Variants in NELL1 observed in about 807,000 individuals in gnomAD.
NELL1 encodes protein kinase C-binding protein NELL1.
Under a neutral mutation model 107.4 loss-of-function variants are expected in NELL1, and 76 were observed. The ratio of observed to expected loss-of-function variants is 0.71; its 90% CI spans 0.59 to 0.86. The LOEUF is 0.86. Among genes scored for constraint, NELL1 ranks in the 40% least tolerant of loss-of-function variants. NELL1 has a pLI of 0.00. For synonymous variants in NELL1, 353 were observed against 341.2 expected (o/e 1.03, Z -0.38); for missense variants, 1,024 against 1,005.5 (o/e 1.02, Z -0.25).
At chr11:20,916,581 T>C (rs770090351) in intron 5 of NELL1, among the ~76,000 whole-genome samples, 3 of 151,796 alleles carry the variant, frequency 2.0e-5, no homozygotes, top group Admixed American at 6.6e-5. Flanking sequence ...CAGGTATGGA[T>C]CCTATCCTTT....
At chr11:21,486,646 T>G (rs976817074) in intron 15 of NELL1, among the ~76,000 whole-genome samples, 1 of 152,074 alleles carries the variant, frequency 6.6e-6, no homozygotes, top group Non-Finnish European at 1.5e-5. Flanking sequence ...CATAAAATTT[T>G]GGATAAAGAA....
intron 2 of NELL1, among the ~76,000 whole-genome samples, chr11:20,781,215 A>C (rs1286794962): frequency 6.6e-6 from 1 of 152,034 alleles, no homozygotes; most frequent in Non-Finnish European, 1.5e-5. Context: ...GGATATGGAG[A>C]GTGGAGAAAA....
intron 12 of NELL1, among the ~76,000 whole-genome samples, chr11:20,976,073 TG>T (rs1851624936): frequency 6.8e-6 from 1 of 147,632 alleles, no homozygotes; most frequent in African/African-American, 2.5e-5. Flanking sequence ...TGTACATATA[TG>T]TATTATATAC....
chr11:21,556,214 A>T (rs1433747076), intron 16 of NELL1, among the ~76,000 whole-genome samples: 1 of 151,906 alleles, frequency 6.6e-6, no homozygotes, highest in African/African-American at 2.4e-5. Flanking sequence ...AATGATTTCC[A>T]GGTAGGAACA....
intron 15 of NELL1, among the ~76,000 whole-genome samples, chr11:21,515,966 A>G (rs1855551281): frequency 2.0e-5 from 3 of 152,106 alleles, no homozygotes; most frequent in Admixed American, 6.5e-5. Flanking sequence ...TTCACACTGC[A>G]TTTCTCCTGG....
chr11:20,905,693 T>C (rs1251645502), intron 5 of NELL1, among the ~76,000 whole-genome samples: 1 of 152,056 alleles, frequency 6.6e-6, no homozygotes, highest in African/African-American at 2.4e-5. Context: ...GAAGAATGAG[T>C]AATGGAACTT....
In NELL1 at chr11:21,183,724, A is replaced by G. The variant is rs181949691; in HGVS notation, c.1427-45608A>G. 9.0e-4 allele frequency among the ~76,000 whole-genome samples: 136 copies of G among 151,912 alleles called. 1 individual carries two copies. The highest frequency in any genetic ancestry group is 1.6e-4 in the Non-Finnish European group (11 of 68,012). On this transcript the variant is annotated intron_variant, in intron 13 of 19. Transcript: ENST00000357134. The stretch of plus-strand genomic sequence containing the variant: ...CCGTGTTACCTGTCAAAGGATAATG[A>G]ATATAACTAGTGGGAACCATGCCGA...
intron 5 of NELL1, among the ~76,000 whole-genome samples, chr11:20,908,032 T>G (rs1274391067): frequency 6.6e-6 from 1 of 152,102 alleles, no homozygotes; most frequent in East Asian, 1.9e-4. Context: ...GAATGGCGAT[T>G]ATTAAAAAGG....
intron 13 of NELL1, among the ~76,000 whole-genome samples, chr11:21,149,447 G>A (rs1856064066): frequency 6.6e-6 from 1 of 152,212 alleles, no homozygotes; most frequent in Non-Finnish European, 1.5e-5. Flanking sequence ...CATGGTAGCA[G>A]GCAAGAGAGT....
At chr11:20,972,040 GGC>G (rs1179664182) in intron 12 of NELL1, among the ~76,000 whole-genome samples, 5 of 151,446 alleles carry the variant, frequency 3.3e-5, no homozygotes, top group African/African-American at 1.2e-4. Context: ...CGGGGTGGGG[GGC>G]AAGGGGAGGG....
intron 12 of NELL1, among the ~76,000 whole-genome samples, chr11:21,067,592 A>T (rs1853907346): frequency 6.6e-6 from 1 of 152,204 alleles, no homozygotes; most frequent in African/African-American, 2.4e-5. Flanking sequence ...TTGGGGAAAA[A>T]GATGTGTTAA....
chr11:21,460,453 G>C (rs1258474074), intron 15 of NELL1, among the ~76,000 whole-genome samples: 22 of 152,094 alleles, frequency 1.4e-4, no homozygotes, highest in Admixed American at 1.4e-3. Flanking sequence ...AGCTAATTCT[G>C]CCTTGGTTAT....
At chr11:21,111,017 C>T (rs1855094087) in intron 12 of NELL1, among the ~76,000 whole-genome samples, 2 of 152,096 alleles carry the variant, frequency 1.3e-5, no homozygotes, top group African/African-American at 4.8e-5. Flanking sequence ...ACGCAAAGCT[C>T]CTTTTTGTAA....
At chr11:21,236,358 T>A (rs866833848) in intron 14 of NELL1, among the ~76,000 whole-genome samples, 7 of 152,178 alleles carry the variant, frequency 4.6e-5, no homozygotes, top group Admixed American at 1.3e-4. Flanking sequence ...AATTGACCAG[T>A]TGATTTAATG....
chr11:21,508,185 C>CA (rs1228171428), intron 15 of NELL1, among the ~76,000 whole-genome samples: 3 of 151,868 alleles, frequency 2.0e-5, no homozygotes, highest in Admixed American at 2.0e-4. Context: ...TTAGTAGTAA[C>CA]AAGGGGGACT....
chr11:20,903,073 A>C (rs1268509711), intron 5 of NELL1, among the ~76,000 whole-genome samples: 2 of 152,074 alleles, frequency 1.3e-5, no homozygotes, highest in Non-Finnish European at 2.9e-5. Context: ...TGTTTGCTAT[A>C]TGTTGTTTTG....
intron 15 of NELL1, among the ~76,000 whole-genome samples, chr11:21,442,584 C>G (rs1171130038): frequency 4.6e-5 from 7 of 152,122 alleles, no homozygotes; most frequent in Non-Finnish European, 1.0e-4. Context: ...TAGATATAGT[C>G]AATAAAATAT....
chr11:21,476,884 G>A (rs1854349542), intron 15 of NELL1, among the ~76,000 whole-genome samples: 1 of 152,146 alleles, frequency 6.6e-6, no homozygotes, highest in Non-Finnish European at 1.5e-5. Context: ...AACACAGCTG[G>A]TGTTCATGGA....
chr11:20,999,314 A>C (rs571570011), intron 12 of NELL1, among the ~76,000 whole-genome samples: 1 of 152,148 alleles, frequency 6.6e-6, no homozygotes, highest in African/African-American at 2.4e-5. Flanking sequence ...CTTTAATGTG[A>C]TGCTACTGTC....
Sources: allele counts gnomAD v4.1 joint callset (sites outside exome capture counted in the v4.1 genomes callset), GRCh38; gene constraint gnomAD v4.1.1; transcripts MANE v1.5; gene names NCBI Gene and HGNC (gene_info 2026-07-23, HGNC 2026-07-21).